The following ATP4B variants were observed in gnomAD, a reference collection of about 807,000 sequenced individuals.
The protein encoded by ATP4B is potassium-transporting ATPase subunit beta.
Under a neutral mutation model 35.3 loss-of-function variants are expected in ATP4B, and 27 were observed. The observed-to-expected ratio is 0.76, with a 90% CI of 0.56 to 1.05. The LOEUF is 1.05. ATP4B is among the 50% of genes least tolerant of loss of function. ATP4B has a pLI of 0.00. For synonymous variants in ATP4B, 162 were observed against 156.0 expected, an observed-to-expected ratio of 1.04 and a Z score of -0.29; for missense variants, 375 against 384.8, an observed-to-expected ratio of 0.97 and a Z score of 0.21.
At chr13:113,655,725 C>T (rs1040522542) in intron 1 of ATP4B, among the ~76,000 whole-genome samples, 4 of 152,190 alleles carry the variant, frequency 2.6e-5, no homozygotes, top group Non-Finnish European at 5.9e-5. Flanking sequence ...CGGCTTTTGT[C>T]TTTCTGGAAA....
At chr13:113,657,979 C>T (rs534026139) in intron 1 of ATP4B, 54 bp downstream of exon 1, 23 of 1,424,186 alleles carry the variant, frequency 1.6e-5, no homozygotes, top group African/African-American at 4.2e-5. Context: ...CTGGAGGCTG[C>T]GTCCTCAGAG....
chr13:113,656,093 G>C (rs534803662), intron 1 of ATP4B, among the ~76,000 whole-genome samples: 1 of 152,242 alleles, frequency 6.6e-6, no homozygotes, highest in African/African-American at 2.4e-5. Flanking sequence ...CTTGGCTTCA[G>C]CCTCCGGTTT....
In ATP4B at chr13:113,651,694, G is replaced by C; in HGVS notation, c.589C>G (p.Pro197Ala). 1 of 1,613,684 alleles carries C rather than the reference G, an allele frequency of 6.2e-7. No individual in the cohort carries two copies. ...ACCAGGAAGGCGCAGTCCACTCTGGGGGCCGAGCCGTTGCTGGGGAGGAAC... is the reference window on the plus strand; with the variant it reads ...ACCAGGAAGGCGCAGTCCACTCTGGCGGCCGAGCCGTTGCTGGGGAGGAAC... ...VKFLPSNGSA[P>A]RVDCAFLDQP... The change falls in exon 5 of 7, where the codon CCC (proline) becomes GCC (alanine). Residue 197 changes from proline (P) to alanine (A), a missense_variant. Pro to Ala is a conservative substitution (Grantham distance 27). Transcript: ENST00000335288.
chr13:113,651,622 A>G, intron 5 of ATP4B, 49 bp downstream of exon 5: 1 of 1,541,532 alleles, frequency 6.5e-7, no homozygotes, highest in Non-Finnish European at 8.8e-7. Flanking sequence ...CACGACCCTG[A>G]CAAGCTCCTT....
intron 4 of ATP4B, 139 bp downstream of exon 4, chr13:113,652,734 T>C: frequency 1.0e-6 from 1 of 964,930 alleles, no homozygotes; most frequent in South Asian, 1.4e-5. Flanking sequence ...CAAACCAAGG[T>C]ACAGGGTGGT....
At chr13:113,653,824 C>T (rs1235236889) in intron 2 of ATP4B, among the ~76,000 whole-genome samples, 2 of 152,250 alleles carry the variant, frequency 1.3e-5, no homozygotes, top group Non-Finnish European at 2.9e-5. Flanking sequence ...AGCAGTCTAA[C>T]AACATGTTAA....
At chr13:113,655,046 C>G in intron 1 of ATP4B, 104 bp from the exon 2 acceptor site, 2 of 1,462,298 alleles carry the variant, frequency 1.4e-6, no homozygotes, top group Non-Finnish European at 1.8e-6. Flanking sequence ...ATCTTCCCTA[C>G]CTAGTTCCAG....
intron 4 of ATP4B, 83 bp from the exon 5 acceptor site, chr13:113,651,810 T>C (rs957319025): frequency 6.6e-6 from 10 of 1,519,364 alleles, no homozygotes; most frequent in African/African-American, 4.1e-5. Context: ...GGAGCTGAGA[T>C]CTGGCCGGCC....
rs751389983 is a variant in ATP4B at position 113,658,131 on chromosome 13, T to A, written c.14A>T (p.Gln5Leu). The A allele has an allele frequency of 6.8e-6, 11 of 1,612,712 alleles. No individual in the cohort carries two copies. Among genetic ancestry groups the A allele is most frequent in the Non-Finnish European group, 7.6e-6 (9 of 1,179,704 alleles). The change falls in exon 1 of 7, where the codon CAG becomes CTG. Residue 5 changes from glutamine to leucine, a missense_variant. Gln to Leu is a moderately radical substitution (Grantham distance 113). Transcript: ENST00000335288. MAAL[Q>L]EKKTCGQRME... ...GCGCTGGCCACACGTCTTCTTCTCC[T>A]GCAGAGCCGCCATCGTCCCTGGCCT...
chr13:113,655,662 G>A (rs939213620), intron 1 of ATP4B, among the ~76,000 whole-genome samples: 1 of 152,156 alleles, frequency 6.6e-6, no homozygotes, highest in African/African-American at 2.4e-5. Context: ...GTGGATCGCA[G>A]GAGGCATTTG....
chr13:113,651,856 C>T, intron 4 of ATP4B, 129 bp from the exon 5 acceptor site: 1 of 1,112,478 alleles, frequency 9.0e-7, no homozygotes, highest in Non-Finnish European at 1.2e-6. Flanking sequence ...TGAGAAGGGC[C>T]CTTGGTCTGG....
In ATP4B at chr13:113,652,832, C is replaced by T. The variant is rs1387980741; in HGVS notation, c.555+41G>A. ...GGGTGTGGGTGAGAGGCCCTGACTG[C>T]ACTGTTGTAGTGGCGTGTGAAGGAG... On this transcript the variant is annotated intron_variant, in intron 4 of 6. Coordinates refer to ENST00000335288, the MANE Select transcript of ATP4B (RefSeq NM_000705.4). 1.3e-5 allele frequency: 21 copies of T among 1,605,926 alleles called. 1 individual carries two copies. The Admixed American group carries it at 2.4e-4, about 18-fold the overall frequency.
rs1383184443 is a variant in ATP4B at position 113,648,856 on chromosome 13, G to A, written c.*518C>T. On this transcript the variant is annotated 3_prime_UTR_variant, in exon 7 of 7. Coordinates refer to ENST00000335288, the MANE Select transcript of ATP4B (RefSeq NM_000705.4). ...TAATTTCTCCCATATCAGGAAACAC[G>A]ATTTCTTTTTTTACATACAATAAGA... 1 of 152,150 alleles carries A rather than the reference G, an allele frequency of 6.6e-6. No homozygotes were observed. The highest frequency in any genetic ancestry group is 6.5e-5 in the Admixed American group (1 of 15,282). 9.4% of individuals were successfully genotyped at this position (152,150 alleles called of 1,614,324 possible).
At chr13:113,656,040 G>A (rs749238650) in intron 1 of ATP4B, among the ~76,000 whole-genome samples, 1 of 152,240 alleles carries the variant, frequency 6.6e-6, no homozygotes, top group Non-Finnish European at 1.5e-5. Flanking sequence ...TCCTTTCCCC[G>A]CCGGGCGTCC....
chr13:113,650,015 T>C lies in ATP4B; in HGVS notation c.714+391A>G, dbSNP rs2049699341. Among the ~76,000 whole-genome samples, 1 of 151,962 alleles carries C rather than the reference T, an allele frequency of 6.6e-6. No individual in the cohort carries two copies. The highest frequency in any genetic ancestry group is 1.5e-5 in the Non-Finnish European group (1 of 67,978). On this transcript the variant is annotated intron_variant, in intron 6 of 6. Transcript: ENST00000335288. This position sits in a 1 kb window ranked among gnomAD's most constrained non-coding sequence, Gnocchi z 5.0. Reference sequence around the variant, plus strand: ...CTTTCTCTATAAAAAATACGAAAATTAGCTGGGCATGTTGGTGTGTGCCTG... The same window carrying C: ...CTTTCTCTATAAAAAATACGAAAATCAGCTGGGCATGTTGGTGTGTGCCTG...
At position 113,658,039 on chromosome 13, in the gene ATP4B, G is replaced by T. The variant is rs9285616; in HGVS notation, c.106C>A (p.Arg36=). ...GCCCGCCCCCCGCACGTACCCCACC[G>T]GGACAGGGTGCGGCCCAGCATCTGC... ...TGQMLGRTLS[R]WVWISLYYVA... The change falls in exon 1 of 7, where the codon CGG becomes AGG. Residue 36 remains arginine (R), a synonymous_variant. Transcript: ENST00000335288. The T allele has an allele frequency of 3.7e-6, 6 of 1,600,526 alleles. No homozygotes were observed. Among genetic ancestry groups the T allele is most frequent in the African/African-American group, 2.7e-5 (2 of 74,666 alleles).
rs778176560 is a variant in ATP4B, at chr13:113,654,798, C to T, written c.241+16G>A. 17 of 1,611,866 alleles carry T rather than the reference C, an allele frequency of 1.1e-5. No homozygotes were observed. The highest frequency in any genetic ancestry group is 8.8e-5 in the South Asian group (8 of 90,764). ...GGCCTGTCACACGGCATGGGGGCAA[C>T]ATCCCGGGCGCTTACCTGGTGACCG... On this transcript the variant is annotated intron_variant, in intron 2 of 6. Transcript: ENST00000335288.
In ATP4B at chr13:113,649,437, G is replaced by C. The variant is rs1287473589; in HGVS notation, c.813C>G (p.Thr271=). 3 of 1,582,988 alleles carry C rather than the reference G, an allele frequency of 1.9e-6. No homozygotes were observed. In the Admixed American group the frequency reaches 5.3e-5, roughly 28 times the overall value. The part of the protein sequence containing the change: ...IVCKVMAEHV[T]FNNPHDPYEG... ...CATACGGGTCGTGGGGATTGTTGAAGGTCACGTGCTCCGCCATGACCTTGC... is the reference window on the plus strand; with the variant it reads ...CATACGGGTCGTGGGGATTGTTGAACGTCACGTGCTCCGCCATGACCTTGC... The change falls in exon 7 of 7, where the codon ACC becomes ACG. Residue 271 remains threonine, a synonymous_variant. Transcript: ENST00000335288. This position sits in a 1 kb window ranked among gnomAD's most constrained non-coding sequence, Gnocchi z 4.7.
At chr13:113,656,687 G>A (rs950366768) in intron 1 of ATP4B, among the ~76,000 whole-genome samples, 8 of 152,178 alleles carry the variant, frequency 5.3e-5, no homozygotes, top group African/African-American at 1.9e-4. Context: ...TATTCCTTTT[G>A]TTTTTGTCAT....
Sources: allele counts gnomAD v4.1 joint callset (sites outside exome capture counted in the v4.1 genomes callset), GRCh38; gene constraint gnomAD v4.1.1; non-coding constraint Gnocchi (gnomAD v3.1); transcripts MANE v1.5; gene names NCBI Gene and HGNC (gene_info 2026-07-23, HGNC 2026-07-21).